Variants in GSG1L observed in about 807,000 individuals in gnomAD.
The protein encoded by GSG1L is GSG1 like, also known as germ cell-specific gene 1-like protein.
GSG1L carries 24 observed loss-of-function variants against 42.1 expected under a neutral mutation model. The observed-to-expected ratio is 0.57, with a 90% CI of 0.41 to 0.80. The LOEUF is 0.80. Among genes scored for constraint, GSG1L ranks in the 30% least tolerant of loss-of-function variants. GSG1L has a pLI of 0.00. For missense variants in GSG1L, 445 were observed against 472.2 expected (o/e 0.94, Z 0.53); for synonymous variants, 215 against 203.5 (o/e 1.06, Z -0.48).
chr16:28,036,039 G>T (rs1421984302), intron 1 of GSG1L, among the ~76,000 whole-genome samples: 1 of 152,108 alleles, frequency 6.6e-6, no homozygotes, highest in East Asian at 1.9e-4. Context: ...GGAAAAAACA[G>T]CTTGAAAAAA....
chr16:28,039,337 C>T (rs191600420), intron 1 of GSG1L, among the ~76,000 whole-genome samples: 12 of 152,258 alleles, frequency 7.9e-5, no homozygotes, highest in African/African-American at 2.4e-4. Flanking sequence ...ATTTTGCCTC[C>T]CAAGAGATAT....
chr16:28,026,347 G>C (rs1412455960), intron 1 of GSG1L, among the ~76,000 whole-genome samples: 1 of 152,218 alleles, frequency 6.6e-6, no homozygotes, highest in Non-Finnish European at 1.5e-5. Flanking sequence ...ACTCCAGCCT[G>C]AGTTTGCTCT....
chr16:27,891,186 C>G (rs1175263271), intron 2 of GSG1L, among the ~76,000 whole-genome samples: 1 of 152,212 alleles, frequency 6.6e-6, no homozygotes, highest in Non-Finnish European at 1.5e-5. Context: ...GGGCTGTGAG[C>G]TACGCATTCC....
At chr16:27,826,650 G>T (rs1326554698) in intron 5 of GSG1L, among the ~76,000 whole-genome samples, 4 of 152,184 alleles carry the variant, frequency 2.6e-5, no homozygotes, top group Non-Finnish European at 5.9e-5. Context: ...CAGTCCCATG[G>T]CAGAGCGTGC....
chr16:28,007,525 G>T (rs886543754), intron 1 of GSG1L, among the ~76,000 whole-genome samples: 2 of 150,270 alleles, frequency 1.3e-5, no homozygotes, highest in African/African-American at 5.0e-5. Context: ...GTGGTTGGTT[G>T]GTTTTGAGAC....
chr16:27,999,606 C>T (rs1461162083), intron 1 of GSG1L, among the ~76,000 whole-genome samples: 3 of 152,138 alleles, frequency 2.0e-5, no homozygotes, highest in African/African-American at 7.2e-5. Flanking sequence ...TTTCTATATG[C>T]CGGCACTTAG....
rs535270061 is a variant in GSG1L at position 27,890,882 on chromosome 16, A to G, written c.398-6244T>C. On this transcript the variant is annotated intron_variant, in intron 2 of 6. Transcript: ENST00000447459. ...TGTGGGAAGTGGGATTCCAGGGGAC[A>G]TCAATACTTAAGGGGAGGGAGCAGT... Among the ~76,000 whole-genome samples the G allele has an allele frequency of 2.6e-5, 4 of 152,324 alleles. 1 individual carries two copies. In the East Asian group the frequency reaches 7.7e-4, roughly 29 times the overall value.
At chr16:27,984,767 C>CT (rs1185157848) in intron 1 of GSG1L, among the ~76,000 whole-genome samples, 2 of 147,410 alleles carry the variant, frequency 1.4e-5, no homozygotes, top group Admixed American at 6.8e-5. Context: ...TCTTTTTTTT[C>CT]TTTTTTTGGA....
rs376197320 is a variant in GSG1L, at chr16:28,002,813, T to C, written c.350-39610A>G. On this transcript the variant is annotated intron_variant, in intron 1 of 6. Transcript: ENST00000447459. ...TTAGCCAGGAGTGGTGGCGGGCGCC[T>C]GTAGTCCCAGCTACTCGGGAGGCTG... Among the ~76,000 whole-genome samples the C allele has an allele frequency of 1.6e-3, 247 of 150,666 alleles. 4 individuals carry two copies. In the East Asian group the frequency reaches 0.033, roughly 20 times the overall value.
intron 6 of GSG1L, among the ~76,000 whole-genome samples, chr16:27,801,457 CG>C (rs1567459180): frequency 1.3e-5 from 2 of 152,198 alleles, no homozygotes; most frequent in Non-Finnish European, 2.9e-5. Context: ...CCGCCTCCCC[CG>C]TTCCTCCTGC....
At chr16:27,985,572 G>A (rs953755444) in intron 1 of GSG1L, among the ~76,000 whole-genome samples, 5 of 151,956 alleles carry the variant, frequency 3.3e-5, no homozygotes, top group South Asian at 2.1e-4. Context: ...GGCCGGGCAC[G>A]GTGGCTCATG....
At chr16:27,806,328 A>G (rs1297008353) in intron 6 of GSG1L, among the ~76,000 whole-genome samples, 1 of 152,144 alleles carries the variant, frequency 6.6e-6, no homozygotes, top group Non-Finnish European at 1.5e-5. Flanking sequence ...CCTCCCCACT[A>G]GCAGAGCCAT....
At chr16:27,817,173 C>A (rs982784053) in intron 5 of GSG1L, among the ~76,000 whole-genome samples, 2 of 152,192 alleles carry the variant, frequency 1.3e-5, no homozygotes, top group African/African-American at 4.8e-5. Flanking sequence ...GATTCCAGGG[C>A]CGAATGTGGC....
At chr16:27,821,010 T>G (rs909736879) in intron 5 of GSG1L, among the ~76,000 whole-genome samples, 7 of 152,190 alleles carry the variant, frequency 4.6e-5, no homozygotes, top group Non-Finnish European at 8.8e-5. Flanking sequence ...ACTGCCGATC[T>G]GTCTGGTGAA....
chr16:27,899,523 C>A (rs1057407909), intron 2 of GSG1L, among the ~76,000 whole-genome samples: 1 of 152,122 alleles, frequency 6.6e-6, no homozygotes, highest in African/African-American at 2.4e-5. Context: ...TCAAGGCCAG[C>A]CTGGGCAACA....
chr16:27,894,290 G>T (rs2084164056), intron 2 of GSG1L, among the ~76,000 whole-genome samples: 1 of 152,196 alleles, frequency 6.6e-6, no homozygotes, highest in Non-Finnish European at 1.5e-5. Context: ...TGTCTAAGGT[G>T]CCCATTAGCT....
intron 1 of GSG1L, among the ~76,000 whole-genome samples, chr16:28,058,298 C>T (rs1214034601): frequency 6.6e-6 from 1 of 152,212 alleles, no homozygotes; most frequent in Non-Finnish European, 1.5e-5. Flanking sequence ...GCAACCACGG[C>T]ACCCACCTCG....
intron 2 of GSG1L, among the ~76,000 whole-genome samples, chr16:27,940,384 C>A (rs2084775656): frequency 6.9e-6 from 1 of 144,552 alleles, no homozygotes; most frequent in African/African-American, 2.6e-5. Flanking sequence ...AATCATGCTG[C>A]TATAAAGACA....
At chr16:27,814,897 CATT>C (rs2083077112) in intron 5 of GSG1L, among the ~76,000 whole-genome samples, 1 of 152,018 alleles carries the variant, frequency 6.6e-6, no homozygotes, top group African/African-American at 2.4e-5. Context: ...CTGCAGGAAA[CATT>C]ATGCATTTTC....
Sources: gnomAD v4.1 joint callset for allele counts (sites outside exome capture counted in the v4.1 genomes callset) on GRCh38, gnomAD v4.1.1 for gene constraint, MANE v1.5 for transcripts, NCBI Gene and HGNC (gene_info 2026-07-23, HGNC 2026-07-21) for gene names.